The following ARB2A variants were observed in gnomAD, a reference collection of about 807,000 sequenced individuals.
ARB2A encodes cotranscriptional regulator ARB2A.
chr5:93,725,749 T>C, the ARB2A span, among the ~76,000 whole-genome samples: 5 of 152,044 alleles, frequency 3.3e-5, no homozygotes, highest in Non-Finnish European at 5.9e-5. Context: ...CCCAAAATAT[T>C]AGCAGCTCTC....
the ARB2A span, among the ~76,000 whole-genome samples, chr5:94,093,935 AGAAG>A: frequency 6.6e-6 from 1 of 152,198 alleles, no homozygotes; most frequent in African/African-American, 2.4e-5. Context: ...GATATTAGAA[AGAAG>A]GAAGAAAAGG....
the ARB2A span, among the ~76,000 whole-genome samples, chr5:93,632,650 G>C: frequency 6.6e-6 from 1 of 152,114 alleles, no homozygotes; most frequent in Non-Finnish European, 1.5e-5. Context: ...TGAGAAGGAT[G>C]AATTTAACCC....
At chr5:93,793,741 A>G in the ARB2A span, among the ~76,000 whole-genome samples, 1 of 152,114 alleles carries the variant, frequency 6.6e-6, no homozygotes, top group African/African-American at 2.4e-5. Flanking sequence ...AGCATGCAGG[A>G]TATTAAGGTG....
the ARB2A span, among the ~76,000 whole-genome samples, chr5:93,836,349 C>T: frequency 1.3e-5 from 2 of 152,188 alleles, no homozygotes; most frequent in African/African-American, 2.4e-5. Flanking sequence ...TTATTTTCAG[C>T]AATTGGCCAG....
the ARB2A span, among the ~76,000 whole-genome samples, chr5:93,974,631 C>T: frequency 6.6e-6 from 1 of 152,094 alleles, no homozygotes; most frequent in African/African-American, 2.4e-5. Context: ...CTCCACCCAA[C>T]AACAACAAAA....
At chr5:93,709,375 C>T in the ARB2A span, among the ~76,000 whole-genome samples, 1 of 151,868 alleles carries the variant, frequency 6.6e-6, no homozygotes, top group Admixed American at 6.6e-5. Flanking sequence ...TGGCTCACAC[C>T]TGTAATCCCA....
the ARB2A span, chr5:93,740,038 G>A: frequency 6.6e-6 from 1 of 151,442 alleles, no homozygotes; most frequent in African/African-American, 2.4e-5. Flanking sequence ...AAGCTCAGGT[G>A]TTTCAGCAAG....
the ARB2A span, chr5:93,740,310 G>A: frequency 2.9e-6 from 1 of 348,906 alleles, no homozygotes; most frequent in Non-Finnish European, 5.2e-6. Context: ...ACAAAATATC[G>A]AAACCATCTA....
chr5:93,876,769 T>C, the ARB2A span, among the ~76,000 whole-genome samples: 1 of 152,150 alleles, frequency 6.6e-6, no homozygotes, highest in Middle Eastern at 3.4e-3. Context: ...AAATACTAGA[T>C]AGAAATGACT....
chr5:93,713,271 A>G, the ARB2A span, among the ~76,000 whole-genome samples: 1 of 152,228 alleles, frequency 6.6e-6, no homozygotes, highest in Non-Finnish European at 1.5e-5. Flanking sequence ...GACAATCCCC[A>G]GAATGGGAGA....
At chr5:93,990,458 A>G in the ARB2A span, among the ~76,000 whole-genome samples, 3 of 151,956 alleles carry the variant, frequency 2.0e-5, no homozygotes, top group Non-Finnish European at 2.9e-5. Flanking sequence ...TGAGCTAGAA[A>G]GAGACTATTC....
chr5:93,700,535 A>G, the ARB2A span, among the ~76,000 whole-genome samples: 1 of 152,148 alleles, frequency 6.6e-6, no homozygotes, highest in Non-Finnish European at 1.5e-5. Context: ...TTAATGCTAA[A>G]TTGAAATAGA....
chr5:93,626,193 A>C, the ARB2A span, among the ~76,000 whole-genome samples: 414 of 152,346 alleles, frequency 2.7e-3, 2 homozygotes, highest in African/African-American at 9.0e-3. Context: ...AAATGAAGAC[A>C]TGGGTTATTT....
At chr5:93,900,613 CAA>C in the ARB2A span, among the ~76,000 whole-genome samples, 71 of 65,414 alleles carry the variant, frequency 1.1e-3, no homozygotes, top group South Asian at 5.3e-3. Context: ...GACGCTGTCT[CAA>C]AAAAAAAAAA....
At chr5:93,812,291 G>A in the ARB2A span, among the ~76,000 whole-genome samples, 1 of 151,984 alleles carries the variant, frequency 6.6e-6, no homozygotes, top group East Asian at 1.9e-4. Context: ...ATTGGAACAG[G>A]ATTTTTTTCC....
chr5:94,094,131 T>C, the ARB2A span, among the ~76,000 whole-genome samples: 1 of 152,222 alleles, frequency 6.6e-6, no homozygotes, highest in African/African-American at 2.4e-5. Flanking sequence ...GGTATTACAA[T>C]TTGTATTAGT....
chr5:93,863,945 A>G, the ARB2A span: 4 of 152,124 alleles, frequency 2.6e-5, no homozygotes, highest in Non-Finnish European at 4.4e-5. Flanking sequence ...GTTTGCCCAT[A>G]AGAATATCAG....
chr5:93,837,768 T>C, the ARB2A span, among the ~76,000 whole-genome samples: 36 of 152,308 alleles, frequency 2.4e-4, no homozygotes, highest in African/African-American at 8.4e-4. Flanking sequence ...TTACTGATGC[T>C]GTGCATTTTT....
At chr5:93,885,264 C>G in the ARB2A span, among the ~76,000 whole-genome samples, 95 of 151,598 alleles carry the variant, frequency 6.3e-4, 1 homozygote, top group Middle Eastern at 3.4e-3. Flanking sequence ...TATCAGGCAT[C>G]AAGTATAATA....
Sources: gnomAD v4.1 joint callset for allele counts (sites outside exome capture counted in the v4.1 genomes callset) on GRCh38, gnomAD v4.1.1 for gene constraint, MANE v1.5 for transcripts, NCBI Gene and HGNC (gene_info 2026-07-23, HGNC 2026-07-21) for gene names.